The following CNTNAP2 variants were observed in gnomAD, a reference collection of about 807,000 sequenced individuals.
CNTNAP2 encodes the protein contactin-associated protein-like 2.
In CNTNAP2, 98 loss-of-function variants were observed where a neutral mutation model predicts 155.2. The ratio of observed to expected loss-of-function variants is 0.63; its 90% CI spans 0.54 to 0.75. CNTNAP2 has a LOEUF of 0.75. Among genes scored for constraint, CNTNAP2 ranks in the 30% least tolerant of loss-of-function variants. The pLI is 0.00. For missense variants in CNTNAP2, 1,727 were observed against 1,688.1 expected (o/e 1.02, Z -0.40); for synonymous variants, 651 against 631.2 (o/e 1.03, Z -0.47).
intron 1 of CNTNAP2, among the ~76,000 whole-genome samples, chr7:146,129,757 T>A (rs1004104286): frequency 6.6e-6 from 1 of 152,208 alleles, no homozygotes; most frequent in South Asian, 2.1e-4. Flanking sequence ...TTCAAAATTA[T>A]TTGCACTGTC....
intron 3 of CNTNAP2, among the ~76,000 whole-genome samples, chr7:146,949,799 A>G (rs1797272899): frequency 6.6e-6 from 1 of 152,078 alleles, no homozygotes; most frequent in African/African-American, 2.4e-5. Flanking sequence ...GACTCTTAAC[A>G]TTTCTCCCTG....
intron 9 of CNTNAP2, among the ~76,000 whole-genome samples, chr7:147,350,594 C>A (rs2116877440): frequency 6.6e-6 from 1 of 151,908 alleles, no homozygotes; most frequent in South Asian, 2.1e-4. Flanking sequence ...GTGACTTAGG[C>A]TGTTTTTCCT....
intron 21 of CNTNAP2, among the ~76,000 whole-genome samples, chr7:148,361,830 G>A (rs543977362): frequency 2.0e-5 from 3 of 152,328 alleles, no homozygotes; most frequent in African/African-American, 7.2e-5. Context: ...CATGGCAGAA[G>A]GCAACTCTTC....
chr7:147,073,141 CTTTTA>C (rs1799930515), intron 4 of CNTNAP2, among the ~76,000 whole-genome samples: 3 of 128,976 alleles, frequency 2.3e-5, no homozygotes, highest in Non-Finnish European at 3.3e-5. Context: ...TTTTTTTTAA[CTTTTA>C]TTTTAAGTTC....
At chr7:148,408,412 C>T (rs927832048) in intron 22 of CNTNAP2, among the ~76,000 whole-genome samples, 2 of 152,182 alleles carry the variant, frequency 1.3e-5, no homozygotes, top group African/African-American at 2.4e-5. Flanking sequence ...ATCATTATCC[C>T]GGATAATCTT....
intron 13 of CNTNAP2, among the ~76,000 whole-genome samples, chr7:147,700,147 T>C (rs1483610970): frequency 2.0e-5 from 3 of 152,154 alleles, no homozygotes; most frequent in African/African-American, 7.2e-5. Context: ...ATTTTTCCCT[T>C]CGAAGGCTTT....
At chr7:146,934,279 A>C (rs1796858112) in intron 3 of CNTNAP2, among the ~76,000 whole-genome samples, 2 of 152,246 alleles carry the variant, frequency 1.3e-5, no homozygotes, top group South Asian at 2.1e-4. Flanking sequence ...TGATGAGTTC[A>C]TGTCCTTTGT....
At chr7:147,104,901 TA>T (rs1800732870) in intron 4 of CNTNAP2, among the ~76,000 whole-genome samples, 1 of 103,308 alleles carries the variant, frequency 9.7e-6, no homozygotes, top group African/African-American at 3.4e-5. Context: ...TATATATATA[TA>T]TATATATATA....
intron 13 of CNTNAP2, among the ~76,000 whole-genome samples, chr7:147,894,764 T>G (rs1232102915): frequency 6.6e-6 from 1 of 151,948 alleles, no homozygotes; most frequent in Non-Finnish European, 1.5e-5. Context: ...TCATATTTAT[T>G]TAAGCAGCCT....
chr7:148,237,204 T>C lies in CNTNAP2; in HGVS notation c.3381+7425T>C, dbSNP rs114717727. On this transcript the variant is annotated intron_variant, in intron 20 of 23. Coordinates refer to ENST00000361727, the MANE Select transcript of CNTNAP2 (RefSeq NM_014141.6). ...TATTCGTTAGGGTTGTATTCGCTGC[T>C]ATAACAAAAAATCAGAGGCTTAATA... 4.2e-3 allele frequency among the ~76,000 whole-genome samples: 636 copies of C among 152,350 alleles called. 10 individuals are homozygous for C. The highest frequency in any genetic ancestry group is 0.014 in the African/African-American group (574 of 41,574).
At chr7:146,874,184 G>T (rs1458553911) in intron 3 of CNTNAP2, among the ~76,000 whole-genome samples, 1 of 152,026 alleles carries the variant, frequency 6.6e-6, no homozygotes, top group Non-Finnish European at 1.5e-5. Context: ...GTATATAAAA[G>T]ATCCTGAATA....
chr7:147,053,047 G>A (rs190085884), intron 4 of CNTNAP2, among the ~76,000 whole-genome samples: 234 of 152,212 alleles, frequency 1.5e-3, no homozygotes, highest in Non-Finnish European at 2.8e-3. Flanking sequence ...GACAGCTGTG[G>A]ATTGTCATTC....
intron 9 of CNTNAP2, among the ~76,000 whole-genome samples, chr7:147,322,473 C>T (rs2692144): frequency 0.49 from 74,792 of 152,058 alleles, 19,574 homozygotes; most frequent in East Asian, 0.73. Context: ...AATTTGTATA[C>T]GGCTGTTTAA....
chr7:147,574,493 T>A (rs554322372), intron 12 of CNTNAP2, among the ~76,000 whole-genome samples: 1 of 152,132 alleles, frequency 6.6e-6, no homozygotes, highest in Non-Finnish European at 1.5e-5. Context: ...CTCAGTAGTG[T>A]CCTTGTTTGG....
intron 13 of CNTNAP2, among the ~76,000 whole-genome samples, chr7:147,757,337 C>A (rs1797225659): frequency 1.3e-5 from 2 of 152,282 alleles, no homozygotes; most frequent in African/African-American, 4.8e-5. Flanking sequence ...TCTGAATAAG[C>A]TGTTTCCTTA....
At chr7:148,101,504 T>A (rs1804100641) in intron 15 of CNTNAP2, among the ~76,000 whole-genome samples, 1 of 152,120 alleles carries the variant, frequency 6.6e-6, no homozygotes, top group Admixed American at 6.5e-5. Flanking sequence ...TTTATTCCCC[T>A]GCATCTGTAG....
intron 11 of CNTNAP2, among the ~76,000 whole-genome samples, chr7:147,510,857 A>G (rs1459079692): frequency 1.5e-5 from 2 of 136,704 alleles, no homozygotes; most frequent in African/African-American, 3.0e-5. Context: ...AACCATATAT[A>G]TATATATATA....
intron 13 of CNTNAP2, among the ~76,000 whole-genome samples, chr7:147,857,488 C>A (rs1389415300): frequency 1.3e-5 from 2 of 152,144 alleles, no homozygotes; most frequent in Non-Finnish European, 2.9e-5. Context: ...ACTCTAAAAT[C>A]TCACCAATTG....
rs10258003 is a variant in CNTNAP2, at chr7:146,663,097, G to A, written c.98-111174G>A. Reference sequence around the variant, plus strand: ...GTTCGAGACCAGCCTGGCCAATATGGTGAAATCCCATCTTTAATAAAAATA... The same window carrying A: ...GTTCGAGACCAGCCTGGCCAATATGATGAAATCCCATCTTTAATAAAAATA... On this transcript the variant is annotated intron_variant, in intron 1 of 23. Transcript: ENST00000361727. Among the ~76,000 whole-genome samples, 1,487 of 152,014 alleles carry A rather than the reference G, an allele frequency of 9.8e-3. 25 individuals are homozygous for A. Among genetic ancestry groups the A allele is most frequent in the African/African-American group, 0.034 (1,423 of 41,440 alleles).
Sources: allele counts gnomAD v4.1 joint callset (sites outside exome capture counted in the v4.1 genomes callset), GRCh38; gene constraint gnomAD v4.1.1; transcripts MANE v1.5; gene names NCBI Gene and HGNC (gene_info 2026-07-23, HGNC 2026-07-21).